Variants in CABCOCO1 observed in about 807,000 individuals in gnomAD.
CABCOCO1 encodes ciliary associated calcium binding coiled-coil 1, also known as ciliary-associated calcium-binding coiled-coil protein 1.
CABCOCO1 carries 28 observed loss-of-function variants against 35.7 expected under a neutral mutation model. The observed-to-expected ratio is 0.78, with a 90% CI of 0.58 to 1.07. CABCOCO1 has a LOEUF of 1.07. Among genes scored for constraint, CABCOCO1 ranks in the 50% least tolerant of loss-of-function variants. The probability of loss-of-function intolerance (pLI) is 0.00; values close to 1 mark genes in which losing one functional copy is unlikely to be tolerated. For missense variants in CABCOCO1, 326 were observed against 309.2 expected, an observed-to-expected ratio of 1.05 and a Z score of -0.41; for synonymous variants, 95 against 100.1, an observed-to-expected ratio of 0.95 and a Z score of 0.30.
chr10:61,721,449 C>T (rs1290563158), intron 5 of CABCOCO1, among the ~76,000 whole-genome samples: 1 of 152,050 alleles, frequency 6.6e-6, no homozygotes, highest in Non-Finnish European at 1.5e-5. Context: ...AGTTGTAAGT[C>T]ATTGATATTT....
chr10:61,687,508 C>G (rs1840002602), intron 4 of CABCOCO1, among the ~76,000 whole-genome samples: 1 of 152,156 alleles, frequency 6.6e-6, no homozygotes, highest in Admixed American at 6.5e-5. Flanking sequence ...CAGGAGGTTT[C>G]TAATGGGCAC....
At chr10:61,726,172 G>A (rs1841144673) in intron 5 of CABCOCO1, among the ~76,000 whole-genome samples, 1 of 152,114 alleles carries the variant, frequency 6.6e-6, no homozygotes, top group Non-Finnish European at 1.5e-5. Context: ...TTCAATATGT[G>A]TAACAATATG....
At chr10:61,701,065 G>A (rs145052287) in intron 5 of CABCOCO1, among the ~76,000 whole-genome samples, 138 of 152,000 alleles carry the variant, frequency 9.1e-4, no homozygotes, top group African/African-American at 3.1e-3. Flanking sequence ...ATGATGAAAA[G>A]CATTTGATGT....
At chr10:61,672,784 T>G in intron 2 of CABCOCO1, 49 bp downstream of exon 2, 2 of 953,758 alleles carry the variant, frequency 2.1e-6, no homozygotes, top group Non-Finnish European at 2.5e-6. Context: ...GTTCGAGTTC[T>G]GCATCTGTAA....
chr10:61,685,891 T>C (rs1564534910), intron 3 of CABCOCO1, 150 bp from the exon 4 acceptor site: 1 of 696,462 alleles, frequency 1.4e-6, no homozygotes, highest in Non-Finnish European at 2.2e-6. Context: ...TAAAACGTAT[T>C]AATTTATTAT....
chr10:61,697,672 T>C (rs1038551298), intron 5 of CABCOCO1, among the ~76,000 whole-genome samples: 7 of 152,126 alleles, frequency 4.6e-5, no homozygotes, highest in Non-Finnish European at 7.4e-5. Flanking sequence ...TGTGAATGTC[T>C]TCACATATTT....
chr10:61,720,500 A>G (rs1840978091), intron 5 of CABCOCO1, among the ~76,000 whole-genome samples: 1 of 152,216 alleles, frequency 6.6e-6, no homozygotes, highest in Non-Finnish European at 1.5e-5. Context: ...TTTTTAAAAA[A>G]TCTACTTGTC....
rs377507155 is a variant in CABCOCO1, at chr10:61,694,220, G to A, written c.552+3599G>A. ...GCAGGAGGATCAGAGTCAGAAAAAG[G>A]GAGATTTGAAAATGTCACACTGTTG... On this transcript the variant is annotated intron_variant, in intron 5 of 7. Transcript: ENST00000648843. Among the ~76,000 whole-genome samples, 5 of 149,900 alleles carry A rather than the reference G, an allele frequency of 3.3e-5. No individual in the cohort carries two copies. The East Asian group carries it at 7.8e-4, about 23-fold the overall frequency.
At chr10:61,677,235 A>G (rs1839542052) in intron 2 of CABCOCO1, among the ~76,000 whole-genome samples, 1 of 152,136 alleles carries the variant, frequency 6.6e-6, no homozygotes, top group South Asian at 2.1e-4. Context: ...TTAGCAGCAT[A>G]TCTCACCATG....
chr10:61,764,692 C>T (rs1278611735), intron 7 of CABCOCO1, among the ~76,000 whole-genome samples: 1 of 152,002 alleles, frequency 6.6e-6, no homozygotes. Context: ...TCCATCCCTC[C>T]TTGCCTCCTC....
rs752606593 is a variant in CABCOCO1, at chr10:61,760,194, T to C, written c.675+13T>C. 6.2e-7 allele frequency: 1 copy of C among 1,609,806 alleles called. No individual in the cohort carries two copies. The highest frequency in any genetic ancestry group is 8.5e-7 in the Non-Finnish European group (1 of 1,176,796). On this transcript the variant is annotated intron_variant, in intron 6 of 7. Coordinates refer to ENST00000648843, the MANE Select transcript of CABCOCO1 (RefSeq NM_001366906.2). Reference sequence around the variant, plus strand: ...TACGGAAATGAAGGTATATTTCTTTTTGTCTTTCCATTCACCCTACCTCAT... The same window carrying C: ...TACGGAAATGAAGGTATATTTCTTTCTGTCTTTCCATTCACCCTACCTCAT...
chr10:61,702,161 A>G (rs1361371763), intron 5 of CABCOCO1, among the ~76,000 whole-genome samples: 2 of 152,190 alleles, frequency 1.3e-5, no homozygotes, highest in East Asian at 3.8e-4. Context: ...AAGTTTAGCA[A>G]TATGGCTTTT....
intron 5 of CABCOCO1, among the ~76,000 whole-genome samples, chr10:61,756,028 A>G (rs1020766642): frequency 2.0e-5 from 3 of 152,006 alleles, no homozygotes; most frequent in Non-Finnish European, 4.4e-5. Flanking sequence ...GCAAATTTTT[A>G]AAAGATTTCT....
At chr10:61,676,963 C>T (rs548218818) in intron 2 of CABCOCO1, among the ~76,000 whole-genome samples, 1 of 151,950 alleles carries the variant, frequency 6.6e-6, no homozygotes, top group South Asian at 2.1e-4. Flanking sequence ...ATTCAGGAGG[C>T]TGAGACAGGA....
intron 5 of CABCOCO1, among the ~76,000 whole-genome samples, chr10:61,702,620 A>C (rs969298942): frequency 3.2e-4 from 49 of 152,160 alleles, no homozygotes; most frequent in Admixed American, 1.3e-4. Context: ...TTTTTTAAAA[A>C]AGAAGATTTT....
intron 5 of CABCOCO1, among the ~76,000 whole-genome samples, chr10:61,751,519 G>A (rs971456925): frequency 6.6e-6 from 1 of 152,100 alleles, no homozygotes; most frequent in Non-Finnish European, 1.5e-5. Flanking sequence ...AAACGATAAA[G>A]GAATTGGAGG....
intron 5 of CABCOCO1, among the ~76,000 whole-genome samples, chr10:61,739,115 C>T (rs2132064746): frequency 6.6e-6 from 1 of 152,166 alleles, no homozygotes; most frequent in Admixed American, 6.5e-5. Flanking sequence ...GATTAAATGA[C>T]TATTTTCTGA....
intron 5 of CABCOCO1, among the ~76,000 whole-genome samples, chr10:61,745,072 G>A (rs977652397): frequency 2.6e-5 from 4 of 152,112 alleles, no homozygotes; most frequent in African/African-American, 9.7e-5. Context: ...CTACATAAAT[G>A]TCAGTAGTTA....
chr10:61,716,447 G>C (rs1413836743), intron 5 of CABCOCO1, among the ~76,000 whole-genome samples: 1 of 152,036 alleles, frequency 6.6e-6, no homozygotes, highest in Non-Finnish European at 1.5e-5. Context: ...GGGAGTGACA[G>C]GGAATTTGCA....
Sources: gnomAD v4.1 joint callset for allele counts (sites outside exome capture counted in the v4.1 genomes callset) on GRCh38, gnomAD v4.1.1 for gene constraint, MANE v1.5 for transcripts, NCBI Gene and HGNC (gene_info 2026-07-23, HGNC 2026-07-21) for gene names.